CWC27: variants seen among roughly 807,000 people sequenced by gnomAD.
CWC27 encodes the protein spliceosome-associated protein CWC27 homolog.
A neutral mutation model predicts 63.6 loss-of-function variants in CWC27; 47 were observed. That is an observed-to-expected ratio of 0.74 (90% CI 0.58 to 0.94). The LOEUF (loss-of-function observed/expected upper bound fraction) is 0.94. Among genes scored for constraint, CWC27 ranks in the 40% least tolerant of loss-of-function variants. CWC27 has a pLI of 0.00. For synonymous variants in CWC27, 175 were observed against 179.8 expected (o/e 0.97, Z 0.22); for missense variants, 495 against 554.3 (o/e 0.89, Z 1.07).
At chr5:64,888,908 A>G (rs1747152537) in intron 11 of CWC27, among the ~76,000 whole-genome samples, 2 of 152,192 alleles carry the variant, frequency 1.3e-5, no homozygotes, top group Admixed American at 6.5e-5. Flanking sequence ...AGCAGACACC[A>G]TTTTAACCAA....
At chr5:64,876,457 G>T (rs1054684609) in intron 10 of CWC27, among the ~76,000 whole-genome samples, 1 of 152,086 alleles carries the variant, frequency 6.6e-6, no homozygotes, top group Non-Finnish European at 1.5e-5. Context: ...TAAACTAACT[G>T]CAAGTGCTAC....
chr5:64,839,976 T>A (rs1022801591), intron 10 of CWC27, among the ~76,000 whole-genome samples: 1 of 152,094 alleles, frequency 6.6e-6, no homozygotes, highest in African/African-American at 2.4e-5. Context: ...GCCAGAAGAC[T>A]GTAAATTATA....
intron 13 of CWC27, among the ~76,000 whole-genome samples, chr5:64,977,795 A>G (rs1384308856): frequency 6.6e-6 from 1 of 152,000 alleles, no homozygotes; most frequent in Admixed American, 6.6e-5. Flanking sequence ...TTTGCTTAGA[A>G]CTTTATCCTA....
At chr5:64,947,160 C>G (rs1250683329) in intron 11 of CWC27, among the ~76,000 whole-genome samples, 4 of 152,086 alleles carry the variant, frequency 2.6e-5, no homozygotes, top group African/African-American at 9.7e-5. Context: ...AAAAAGGAAA[C>G]ATTCCCTCCA....
chr5:64,949,593 G>A (rs982027626), intron 11 of CWC27, among the ~76,000 whole-genome samples: 4 of 151,908 alleles, frequency 2.6e-5, no homozygotes, highest in Admixed American at 6.6e-5. Flanking sequence ...TTCCTGTAGC[G>A]TAAAGTCCTT....
intron 10 of CWC27, among the ~76,000 whole-genome samples, chr5:64,849,466 C>G (rs558757534): frequency 6.6e-6 from 1 of 152,212 alleles, no homozygotes; most frequent in South Asian, 2.1e-4. Context: ...GAGTTGGGAC[C>G]TGGTGGGAGG....
At chr5:64,922,962 C>G (rs1748025566) in intron 11 of CWC27, among the ~76,000 whole-genome samples, 1 of 152,180 alleles carries the variant, frequency 6.6e-6, no homozygotes, top group South Asian at 2.1e-4. Context: ...GCTTTGCCCT[C>G]TCATCTCTCA....
At chr5:64,952,068 C>T (rs146199927) in intron 11 of CWC27, among the ~76,000 whole-genome samples, 50 of 151,992 alleles carry the variant, frequency 3.3e-4, no homozygotes, top group Admixed American at 2.3e-3. Flanking sequence ...TAAGATGCTC[C>T]AGTCCTTGAT....
intron 11 of CWC27, among the ~76,000 whole-genome samples, chr5:64,895,631 C>T (rs112215476): frequency 0.016 from 2,486 of 152,080 alleles, 33 homozygotes; most frequent in South Asian, 0.045. Flanking sequence ...AAACATCAGA[C>T]AACAGAATGA....
chr5:64,886,139 C>G (rs1173614872), intron 11 of CWC27, among the ~76,000 whole-genome samples: 1 of 151,988 alleles, frequency 6.6e-6, no homozygotes, highest in African/African-American at 2.4e-5. Flanking sequence ...AAAATAACAT[C>G]TTGCTGTTTA....
intron 11 of CWC27, among the ~76,000 whole-genome samples, chr5:64,957,679 A>G (rs960081306): frequency 6.6e-6 from 1 of 152,214 alleles, no homozygotes; most frequent in Non-Finnish European, 1.5e-5. Flanking sequence ...CAAGTAGTCT[A>G]TCTGACAGGC....
chr5:64,982,980 T>C (rs1749356328), intron 13 of CWC27, among the ~76,000 whole-genome samples: 1 of 152,162 alleles, frequency 6.6e-6, no homozygotes, highest in Non-Finnish European at 1.5e-5. Flanking sequence ...GCGAGGGATC[T>C]AGGTTGCATG....
intron 10 of CWC27, among the ~76,000 whole-genome samples, chr5:64,815,571 C>T (rs909960413): frequency 6.6e-6 from 1 of 152,146 alleles, no homozygotes; most frequent in Non-Finnish European, 1.5e-5. Context: ...ACGATTTAAA[C>T]AGAAATTGCT....
chr5:64,902,078 A>G (rs1054917886), intron 11 of CWC27, among the ~76,000 whole-genome samples: 4 of 152,150 alleles, frequency 2.6e-5, no homozygotes, highest in Admixed American at 2.0e-4. Flanking sequence ...TACAATTAAA[A>G]TTTTCTTTTT....
In CWC27 at chr5:64,817,950, C is replaced by G. The variant is rs373482176; in HGVS notation, c.938+13564C>G. On this transcript the variant is annotated intron_variant, in intron 10 of 13. Transcript: ENST00000381070. Reference sequence around the variant, plus strand: ...ACATTTGATTTATTTTTTGTGTACTCACATTTCTTTTAGAGACCCTTAATA... The same window carrying G: ...ACATTTGATTTATTTTTTGTGTACTGACATTTCTTTTAGAGACCCTTAATA... Among the ~76,000 whole-genome samples, 152 of 152,192 alleles carry G rather than the reference C, an allele frequency of 1.0e-3. 1 individual carries two copies. Among genetic ancestry groups the G allele is most frequent in the African/African-American group, 3.5e-3 (146 of 41,564 alleles).
intron 11 of CWC27, among the ~76,000 whole-genome samples, chr5:64,940,345 G>A (rs1748448656): frequency 6.6e-6 from 1 of 152,148 alleles, no homozygotes; most frequent in African/African-American, 2.4e-5. Context: ...CAGTCCCTCA[G>A]GGCTTCCCTT....
chr5:64,945,436 A>G (rs1748574187), intron 11 of CWC27, among the ~76,000 whole-genome samples: 1 of 152,202 alleles, frequency 6.6e-6, no homozygotes, highest in Non-Finnish European at 1.5e-5. Flanking sequence ...CATTTATAAT[A>G]CATCCTTTGA....
intron 10 of CWC27, among the ~76,000 whole-genome samples, chr5:64,872,366 T>G (rs2367112): frequency 0.57 from 86,387 of 152,006 alleles, 25,557 homozygotes; most frequent in East Asian, 0.86. Flanking sequence ...ACCTGCACTG[T>G]ATGAGAGAGG....
At chr5:64,873,202 T>C (rs1746717706) in intron 10 of CWC27, among the ~76,000 whole-genome samples, 3 of 152,168 alleles carry the variant, frequency 2.0e-5, no homozygotes, top group Admixed American at 6.5e-5. Context: ...AGAAGCATTA[T>C]TTTAAAAATA....
Sources: gnomAD v4.1 joint callset for allele counts (sites outside exome capture counted in the v4.1 genomes callset) on GRCh38, gnomAD v4.1.1 for gene constraint, MANE v1.5 for transcripts, NCBI Gene and HGNC (gene_info 2026-07-23, HGNC 2026-07-21) for gene names.